The following COLQ variants were observed in gnomAD, a reference collection of about 807,000 sequenced individuals.
COLQ encodes the protein collagen like tail subunit of asymmetric acetylcholinesterase, also known as acetylcholinesterase collagenic tail peptide.
A neutral mutation model predicts 69.0 loss-of-function variants in COLQ; 48 were observed. The ratio of observed to expected loss-of-function variants is 0.70; its 90% CI spans 0.55 to 0.88. The LOEUF (loss-of-function observed/expected upper bound fraction) is 0.88. Among genes scored for constraint, COLQ ranks in the 40% least tolerant of loss-of-function variants. The pLI is 0.00. For missense variants in COLQ, 618 were observed against 594.6 expected (o/e 1.04, Z -0.41); for synonymous variants, 217 against 211.2 (o/e 1.03, Z -0.24).
intron 10 of COLQ, among the ~76,000 whole-genome samples, chr3:15,472,082 C>A (rs1030715817): frequency 4.0e-5 from 6 of 151,760 alleles, no homozygotes; most frequent in African/African-American, 1.2e-4. Flanking sequence ...TAATTATGGT[C>A]ATCATATCAG....
chr3:15,491,781 C>A (rs1435483452), intron 1 of COLQ, among the ~76,000 whole-genome samples: 1 of 152,086 alleles, frequency 6.6e-6, no homozygotes, highest in East Asian at 1.9e-4. Context: ...ATTTATGGGC[C>A]AGGCATGGTG....
At position 15,485,722 on chromosome 3, in the gene COLQ, C is replaced by A. The variant is rs111277368; in HGVS notation, c.321+2484G>T. Among the ~76,000 whole-genome samples the A allele has an allele frequency of 8.5e-5, 13 of 152,256 alleles. No homozygotes were observed. In the South Asian group the frequency reaches 2.5e-3, roughly 29 times the overall value. ...CCTATAATCTCAGCACTTTGGGAGG[C>A]CAATGTGGGAGTATTGCTTGAGCCC... On this transcript the variant is annotated intron_variant, in intron 3 of 16. Transcript: ENST00000383788.
intron 1 of COLQ, among the ~76,000 whole-genome samples, chr3:15,511,302 A>G (rs965143495): frequency 1.3e-5 from 2 of 152,352 alleles, no homozygotes; most frequent in African/African-American, 4.8e-5. Flanking sequence ...CCCTGCCTAC[A>G]TGTCTCCATA....
chr3:15,512,384 G>C (rs575558195), intron 1 of COLQ, among the ~76,000 whole-genome samples: 12 of 152,202 alleles, frequency 7.9e-5, no homozygotes, highest in Non-Finnish European at 1.6e-4. Flanking sequence ...TGCCATGAGA[G>C]ATAAGTGCGG....
At chr3:15,459,924 A>G (rs913936032) in intron 12 of COLQ, among the ~76,000 whole-genome samples, 4 of 152,040 alleles carry the variant, frequency 2.6e-5, no homozygotes, top group Non-Finnish European at 5.9e-5. Flanking sequence ...ATTTGCCCCA[A>G]GGTTGAGAAC....
intron 2 of COLQ, 26 bp from the exon 3 acceptor site, chr3:15,488,333 A>G (rs1361106801): frequency 1.3e-6 from 2 of 1,598,346 alleles, no homozygotes; most frequent in Non-Finnish European, 1.7e-6. Flanking sequence ...ACACAGAGTT[A>G]GAGGTCAGGC....
At chr3:15,468,554 G>A (rs867303957) in intron 11 of COLQ, among the ~76,000 whole-genome samples, 2 of 152,022 alleles carry the variant, frequency 1.3e-5, no homozygotes, top group African/African-American at 2.4e-5. Context: ...GGCTGGTCTC[G>A]AACTCCTGAC....
chr3:15,474,672 G>A (rs995270126), intron 8 of COLQ, among the ~76,000 whole-genome samples: 3 of 152,182 alleles, frequency 2.0e-5, no homozygotes, highest in African/African-American at 7.2e-5. Context: ...TACCTGGCAC[G>A]GCCTTCATTT....
chr3:15,455,367 AAAAC>A (rs1348143805), intron 15 of COLQ, among the ~76,000 whole-genome samples: 1 of 152,206 alleles, frequency 6.6e-6, no homozygotes, highest in African/African-American at 2.4e-5. Context: ...AACAAAAACA[AAAAC>A]AAACAAAAGC....
intron 2 of COLQ, among the ~76,000 whole-genome samples, chr3:15,488,724 T>C (rs767285364): frequency 2.0e-5 from 3 of 152,220 alleles, no homozygotes; most frequent in African/African-American, 4.8e-5. Context: ...ATAATATACT[T>C]TCTTTAACCC....
At chr3:15,490,569 C>T (rs768143127) in intron 1 of COLQ, among the ~76,000 whole-genome samples, 3 of 152,238 alleles carry the variant, frequency 2.0e-5, no homozygotes, top group Admixed American at 6.5e-5. Context: ...CTATGGAAAT[C>T]ATCTAGGTTG....
chr3:15,503,843 A>T (rs948998618), intron 1 of COLQ, among the ~76,000 whole-genome samples: 12 of 151,684 alleles, frequency 7.9e-5, no homozygotes, highest in African/African-American at 2.9e-4. Context: ...CACCACCACC[A>T]CCTAGAGAGA....
At chr3:15,518,976 T>C (rs952253527) in intron 1 of COLQ, among the ~76,000 whole-genome samples, 14 of 152,238 alleles carry the variant, frequency 9.2e-5, no homozygotes, top group African/African-American at 1.2e-4. Flanking sequence ...CTTCTGAATA[T>C]AGAATATTTT....
chr3:15,492,585 T>C (rs1380459761), intron 1 of COLQ, among the ~76,000 whole-genome samples: 1 of 151,402 alleles, frequency 6.6e-6, no homozygotes, highest in Non-Finnish European at 1.5e-5. Context: ...GAGAATGGCG[T>C]GAACCCGGGA....
At chr3:15,514,356 T>C (rs888404700) in intron 1 of COLQ, among the ~76,000 whole-genome samples, 5 of 151,862 alleles carry the variant, frequency 3.3e-5, no homozygotes, top group African/African-American at 1.2e-4. Flanking sequence ...AGTACTAAAT[T>C]AGAAATTCCC....
intron 10 of COLQ, among the ~76,000 whole-genome samples, chr3:15,472,364 G>T (rs569109958): frequency 6.6e-6 from 1 of 152,122 alleles, no homozygotes; most frequent in Non-Finnish European, 1.5e-5. Flanking sequence ...TGTAGTTTCT[G>T]ACAGCTTAAG....
chr3:15,515,911 T>C (rs1028424794), intron 1 of COLQ, among the ~76,000 whole-genome samples: 2 of 152,310 alleles, frequency 1.3e-5, no homozygotes, highest in South Asian at 4.2e-4. Flanking sequence ...TGGAGCTGTG[T>C]TGTTTTTGTA....
At chr3:15,455,537 C>A (rs1054564439) in intron 15 of COLQ, among the ~76,000 whole-genome samples, 1 of 152,208 alleles carries the variant, frequency 6.6e-6, no homozygotes, top group Non-Finnish European at 1.5e-5. Flanking sequence ...TCCCTTTTGC[C>A]TTTCACTACT....
At chr3:15,506,992 G>C (rs1336232038) in intron 1 of COLQ, 1 of 152,186 alleles carries the variant, frequency 6.6e-6, no homozygotes, top group East Asian at 1.9e-4. Context: ...TTAGAGATGA[G>C]GTCTTGCTAC....
Sources: gnomAD v4.1 joint callset for allele counts (sites outside exome capture counted in the v4.1 genomes callset) on GRCh38, gnomAD v4.1.1 for gene constraint, MANE v1.5 for transcripts, NCBI Gene and HGNC (gene_info 2026-07-23, HGNC 2026-07-21) for gene names.